NUP133: variants seen among roughly 807,000 people sequenced by gnomAD.
NUP133 encodes the protein nucleoporin 133.
Under a neutral mutation model 146.2 loss-of-function variants are expected in NUP133, and 66 were observed. That is an observed-to-expected ratio of 0.45 (90% confidence interval 0.37 to 0.55). The LOEUF is 0.55. Ranked by LOEUF, NUP133 falls within the 20% of genes least tolerant of loss-of-function variation. The probability of loss-of-function intolerance (pLI) is 0.00; values close to 1 mark genes in which losing one functional copy is unlikely to be tolerated. For missense variants in NUP133, 1,277 were observed against 1,374.8 expected (o/e 0.93, Z 1.12); for synonymous variants, 521 against 498.8 (o/e 1.04, Z -0.59).
intron 2 of NUP133, among the ~76,000 whole-genome samples, chr1:229,502,786 ACTCT>A (rs1327800254): frequency 6.9e-6 from 1 of 144,886 alleles, no homozygotes; most frequent in Non-Finnish European, 1.5e-5. Flanking sequence ...ACATAGTGAG[ACTCT>A]CTCTCTTAAA....
intron 17 of NUP133, 59 bp downstream of exon 17, chr1:229,465,360 TA>T: frequency 7.4e-7 from 1 of 1,355,672 alleles, no homozygotes; most frequent in Non-Finnish European, 1.0e-6. Flanking sequence ...ACACAACTTC[TA>T]AAAATGATGG....
At chr1:229,448,977 C>A in intron 24 of NUP133, 149 bp downstream of exon 24, 1 of 658,858 alleles carries the variant, frequency 1.5e-6, no homozygotes, top group Non-Finnish European at 2.7e-6. Context: ...TGGTGCCCAC[C>A]AACAGAACTC....
intron 22 of NUP133, 130 bp from the exon 23 acceptor site, chr1:229,450,735 G>GT (rs796890195): frequency 4.9e-4 from 235 of 478,190 alleles, no homozygotes; most frequent in African/African-American, 2.8e-3. Context: ...TTGTTTGTTT[G>GT]TTTTTTTTGA....
intron 17 of NUP133, 75 bp from the exon 18 acceptor site, chr1:229,464,950 A>C: frequency 1.3e-6 from 2 of 1,534,802 alleles, no homozygotes; most frequent in South Asian, 2.4e-5. Context: ...AATAGCATAA[A>C]AATTATGCCT....
intron 8 of NUP133, among the ~76,000 whole-genome samples, chr1:229,492,027 C>CT: frequency 6.6e-6 from 1 of 152,198 alleles, no homozygotes; most frequent in South Asian, 2.1e-4. Flanking sequence ...TTCCTTAAGT[C>CT]TAGCAAACTT....
chr1:229,485,299 T>C (rs1186163771), intron 11 of NUP133, among the ~76,000 whole-genome samples: 1 of 152,168 alleles, frequency 6.6e-6, no homozygotes, highest in Non-Finnish European at 1.5e-5. Flanking sequence ...GGACAGGTCC[T>C]GAGGATTTGA....
At chr1:229,464,995 A>AATCCCTG in intron 17 of NUP133, 120 bp from the exon 18 acceptor site, 3 of 1,159,554 alleles carry the variant, frequency 2.6e-6, no homozygotes, top group Non-Finnish European at 3.7e-6. Context: ...TTGAACAGGG[A>AATCCCTG]TTCAGGTGAT....
At chr1:229,479,541 T>C (rs1350061297) in intron 12 of NUP133, among the ~76,000 whole-genome samples, 1 of 152,096 alleles carries the variant, frequency 6.6e-6, no homozygotes, top group East Asian at 1.9e-4. Flanking sequence ...TATCCCCCTG[T>C]GGGTAAGGGG....
intron 14 of NUP133, among the ~76,000 whole-genome samples, chr1:229,474,609 A>C (rs1661032267): frequency 6.6e-6 from 1 of 152,210 alleles, no homozygotes; most frequent in Non-Finnish European, 1.5e-5. Context: ...AAGTAAGTTA[A>C]AATTCAGTTC....
chr1:229,453,012 T>C (rs1278072762), intron 21 of NUP133, among the ~76,000 whole-genome samples: 8 of 152,124 alleles, frequency 5.3e-5, no homozygotes, highest in Non-Finnish European at 1.0e-4. Flanking sequence ...CAGTAAAATT[T>C]TTCCCACTAG....
chr1:229,491,711 G>C (rs1389959909), intron 8 of NUP133, among the ~76,000 whole-genome samples: 1 of 152,176 alleles, frequency 6.6e-6, no homozygotes. Flanking sequence ...CTGCGATGCA[G>C]AGATTGCAGT....
At chr1:229,450,438 C>A in intron 23 of NUP133, 87 bp downstream of exon 23, 4 of 620,068 alleles carry the variant, frequency 6.5e-6, no homozygotes, top group Non-Finnish European at 5.5e-6. Context: ...TTGCTTAATT[C>A]ATTTTCATGA....
At chr1:229,450,705 G>C (rs1660428423) in intron 22 of NUP133, 100 bp from the exon 23 acceptor site, 4 of 556,836 alleles carry the variant, frequency 7.2e-6, no homozygotes, top group Non-Finnish European at 1.2e-5. Flanking sequence ...TAAGGAAGTT[G>C]TAGTTTGTTT....
chr1:229,497,427 A>G (rs949841652), intron 6 of NUP133, among the ~76,000 whole-genome samples: 1 of 152,230 alleles, frequency 6.6e-6, no homozygotes, highest in Non-Finnish European at 1.5e-5. Flanking sequence ...GTTTTTAAAC[A>G]TGTTAAGTTT....
rs1372896151 is a variant in NUP133 at position 229,495,543 on chromosome 1, G to C, written c.998C>G (p.Ala333Gly). The change falls in exon 8 of 26, where the codon GCT becomes GGT. Residue 333 changes from alanine to glycine, a missense_variant. Transcript: ENST00000261396. ...TCGAATGTTGACTCCTTCTTTAATA[G>C]CTTCATAGTTACTTTCAGATCCCTA... ...AIWGSESNYE[A>G]IKEGVNIRYL... is the part of the protein sequence containing the mutation. 1.9e-6 allele frequency: 3 copies of C among 1,609,598 alleles called. No homozygotes were observed. Among genetic ancestry groups the C allele is most frequent in the African/African-American group, 2.7e-5 (2 of 74,898 alleles).
Position 229,441,573 on chromosome 1 carries a change from C to CCT in NUP133, c.*330_*331insAG. 1 of 436,476 alleles carries CCT rather than the reference C, an allele frequency of 2.3e-6. No homozygotes were observed. The highest frequency in any genetic ancestry group is 4.6e-6 in the Non-Finnish European group (1 of 215,202). 27.0% of individuals were successfully genotyped at this position (436,476 alleles called of 1,614,324 possible). On this transcript the variant is annotated 3_prime_UTR_variant, in exon 26 of 26. Transcript: ENST00000261396. ...TGCAATCTAGTAATTTTCATAGTCG[C>CCT]AGAAACTGAGGCCTAGAAGTGATTT...
At position 229,490,033 on chromosome 1, in the gene NUP133, C is replaced by G. The variant is rs774848142; in HGVS notation, c.1116G>C (p.Leu372=). 5 of 1,612,062 alleles carry G rather than the reference C, an allele frequency of 3.1e-6. No homozygotes were observed. The East Asian group carries it at 6.7e-5, about 22-fold the overall frequency. The part of the protein sequence containing the change: ...ADNPCLIYYS[L]ITIEDNGCQM... Reference sequence around the variant, plus strand: ...GGCAACCATTATCTTCTATTGTTATCAGAGAGTAATAGATGAGACATGGAT... The same window carrying G: ...GGCAACCATTATCTTCTATTGTTATGAGAGAGTAATAGATGAGACATGGAT... Residue 372 remains leucine (L), a synonymous_variant, in exon 9 of 26, where the codon CTG becomes CTC. Coordinates refer to ENST00000261396, the MANE Select transcript of NUP133 (RefSeq NM_018230.3).
At chr1:229,471,485 C>T (rs1229943908) in intron 14 of NUP133, among the ~76,000 whole-genome samples, 1 of 152,170 alleles carries the variant, frequency 6.6e-6, no homozygotes, top group Non-Finnish European at 1.5e-5. Flanking sequence ...ATCAGAAACT[C>T]AGCAACCTCC....
chr1:229,498,512 A>C (rs1331846649), intron 5 of NUP133, among the ~76,000 whole-genome samples: 1 of 152,194 alleles, frequency 6.6e-6, no homozygotes, highest in East Asian at 1.9e-4. Context: ...TCTCATAAGA[A>C]AAAAACTGGC....
Sources: allele counts gnomAD v4.1 joint callset (sites outside exome capture counted in the v4.1 genomes callset), GRCh38; gene constraint gnomAD v4.1.1; transcripts MANE v1.5; gene names NCBI Gene and HGNC (gene_info 2026-07-23, HGNC 2026-07-21).